The following SMG6 variants were observed in gnomAD, a reference collection of about 807,000 sequenced individuals.
SMG6 encodes telomerase-binding protein EST1A.
Under a neutral mutation model 142.2 loss-of-function variants are expected in SMG6, and 66 were observed. The observed-to-expected ratio is 0.46, with a 90% confidence interval of 0.38 to 0.57. The LOEUF is 0.57. Ranked by LOEUF, SMG6 falls within the 20% of genes least tolerant of loss-of-function variation. The pLI is 0.00. For synonymous variants in SMG6, 779 were observed against 702.4 expected (o/e 1.11, Z -1.72); for missense variants, 1,793 against 1,832.0 (o/e 0.98, Z 0.39).
intron 10 of SMG6, among the ~76,000 whole-genome samples, chr17:2,210,295 T>G (rs2072812106): frequency 6.6e-6 from 1 of 151,524 alleles, no homozygotes; most frequent in Non-Finnish European, 1.5e-5. Context: ...TCTTTTTTTT[T>G]TTTTTTTAAG....
At chr17:2,105,465 CT>C (rs748386053) in intron 13 of SMG6, among the ~76,000 whole-genome samples, 3 of 152,102 alleles carry the variant, frequency 2.0e-5, no homozygotes, top group Non-Finnish European at 2.9e-5. Context: ...ATTGCTTGAA[CT>C]TGGGAGGCGG....
intron 4 of SMG6, among the ~76,000 whole-genome samples, chr17:2,295,168 C>A (rs961872372): frequency 6.6e-6 from 1 of 152,072 alleles, no homozygotes; most frequent in Non-Finnish European, 1.5e-5. Flanking sequence ...TGAGCCACTG[C>A]GCCCAGCCAA....
chr17:2,302,074 A>G (rs1198154165), intron 1 of SMG6, among the ~76,000 whole-genome samples: 1 of 151,800 alleles, frequency 6.6e-6, no homozygotes, highest in Non-Finnish European at 1.5e-5. Flanking sequence ...GCAACATGGC[A>G]ACACCCTGTC....
intron 8 of SMG6, among the ~76,000 whole-genome samples, chr17:2,265,280 G>A (rs749680582): frequency 1.3e-5 from 2 of 152,178 alleles, no homozygotes; most frequent in Non-Finnish European, 2.9e-5. Flanking sequence ...AGCACTTTGG[G>A]AGGCTGACCA....
intron 14 of SMG6, among the ~76,000 whole-genome samples, chr17:2,082,931 T>C (rs1162911249): frequency 6.6e-6 from 1 of 152,216 alleles, no homozygotes; most frequent in Non-Finnish European, 1.5e-5. Context: ...CCATTTTTCA[T>C]GTATTAACTC....
At chr17:2,147,539 C>A (rs1165754339) in intron 13 of SMG6, among the ~76,000 whole-genome samples, 1 of 152,016 alleles carries the variant, frequency 6.6e-6, no homozygotes, top group African/African-American at 2.4e-5. Context: ...GAGTTCAAGT[C>A]CCGCCTGGGC....
intron 10 of SMG6, among the ~76,000 whole-genome samples, chr17:2,193,949 G>T (rs893546390): frequency 6.6e-6 from 1 of 152,176 alleles, no homozygotes; most frequent in African/African-American, 2.4e-5. Context: ...TTCCGCCTCA[G>T]CCTCCCAAGT....
At chr17:2,243,231 T>C (rs1377207362) in intron 9 of SMG6, among the ~76,000 whole-genome samples, 1 of 152,234 alleles carries the variant, frequency 6.6e-6, no homozygotes, top group African/African-American at 2.4e-5. Flanking sequence ...CTATCATTCT[T>C]ACCCAGGTTG....
chr17:2,298,696 C>T lies in SMG6; in HGVS notation c.1847+210G>A, dbSNP rs370968436. Reference sequence around the variant, plus strand: ...TCGTGCCACTGCACTCCAGCCTGGGCGACAGAGCGAGACTCCGTCTTAAAA... The same window carrying T: ...TCGTGCCACTGCACTCCAGCCTGGGTGACAGAGCGAGACTCCGTCTTAAAA... On this transcript the variant is annotated intron_variant, in intron 2 of 18. Transcript: ENST00000263073. Among the ~76,000 whole-genome samples, 6 of 145,906 alleles carry T rather than the reference C, an allele frequency of 4.1e-5. No individual in the cohort carries two copies. The Admixed American group carries it at 4.3e-4, about 10-fold the overall frequency.
chr17:2,285,800 A>G (rs2151383766), intron 6 of SMG6, among the ~76,000 whole-genome samples: 1 of 152,204 alleles, frequency 6.6e-6, no homozygotes, highest in South Asian at 2.1e-4. Flanking sequence ...CAGCCTCCCG[A>G]GTAGCTGGGA....
At chr17:2,178,674 C>T (rs1043518373) in intron 12 of SMG6, among the ~76,000 whole-genome samples, 2 of 152,276 alleles carry the variant, frequency 1.3e-5, no homozygotes, top group Non-Finnish European at 1.5e-5. Context: ...TGTTCGGGGT[C>T]GGCGCCTTAT....
In SMG6 at chr17:2,303,711, CT is replaced by C; in HGVS notation, c.9del (p.Leu5TrpfsTer28). Reference protein sequence around the residue: MAEGLERVRISAS... With the variant: MAXGLERVRISAS... ...GCGGAGATCCGCACACGCTCCAGCC[CT>C]TCCGCCATCTTCGCGGCTGCTGCTA... On this transcript the variant is annotated frameshift_variant, in exon 1 of 19. Transcript: ENST00000263073. LOFTEE classifies it high-confidence loss of function. 6.7e-7 allele frequency: 1 copy of C among 1,492,904 alleles called. No individual in the cohort carries two copies. The highest frequency in any genetic ancestry group is 2.2e-5 in the Admixed American group (1 of 45,124). 92.5% of individuals were successfully genotyped at this position (1,492,904 alleles called of 1,614,324 possible).
Position 2,299,570 on chromosome 17 carries a change from T to C in SMG6, c.1183A>G (p.Lys395Glu), listed in dbSNP as rs200292655. The C allele has an allele frequency of 6.2e-7, 1 of 1,614,188 alleles. No homozygotes were observed. The highest frequency in any genetic ancestry group is 1.1e-5 in the South Asian group (1 of 91,086). Residue 395 changes from lysine (K) to glutamate (E), a missense_variant, in exon 2 of 19, where the codon AAA (lysine) becomes GAA (glutamate). Around this residue, in one of 3 missense-constraint regions of SMG6, gnomAD observed 1,597 missense variants for 1,584.6 expected, o/e 1.01. Coordinates refer to ENST00000263073, the MANE Select transcript of SMG6 (RefSeq NM_017575.5). The surrounding 1 kb of genome is among the most constrained non-coding windows in gnomAD (Gnocchi z 4.3). ...GGKGSEKQES[K>E]NPKQELRGRG... is the part of the protein sequence containing the mutation. ...CCCCGAAGTTCTTGTTTCGGGTTTTTGGACTCCTGCTTCTCAGAGCCTTTG... is the reference window on the plus strand; with the variant it reads ...CCCCGAAGTTCTTGTTTCGGGTTTTCGGACTCCTGCTTCTCAGAGCCTTTG...
At chr17:2,081,444 G>A (rs1248380879) in intron 15 of SMG6, among the ~76,000 whole-genome samples, 3 of 152,284 alleles carry the variant, frequency 2.0e-5, no homozygotes, top group Admixed American at 6.5e-5. Context: ...GCGTTCTGAA[G>A]TAAGAATCCA....
chr17:2,108,818 C>T lies in SMG6; in HGVS notation c.3358-22917G>A, dbSNP rs183479906. On this transcript the variant is annotated intron_variant, in intron 13 of 18. Coordinates refer to ENST00000263073, the MANE Select transcript of SMG6 (RefSeq NM_017575.5). ...AATTAGTCGCGCATGGTGGCGGGCG[C>T]CTGTAATCGCAGCTACTCGGGAGGC... 1.9e-3 allele frequency among the ~76,000 whole-genome samples: 288 copies of T among 151,982 alleles called. 2 individuals carry two copies. The highest frequency in any genetic ancestry group is 5.9e-3 in the African/African-American group (244 of 41,440).
At chr17:2,143,592 T>A (rs547253338) in intron 13 of SMG6, among the ~76,000 whole-genome samples, 8 of 152,306 alleles carry the variant, frequency 5.3e-5, no homozygotes, top group Non-Finnish European at 1.2e-4. Context: ...AAAATGGAGA[T>A]GACGCGATAG....
At chr17:2,294,540 C>T (rs2075105947) in intron 4 of SMG6, among the ~76,000 whole-genome samples, 1 of 152,228 alleles carries the variant, frequency 6.6e-6, no homozygotes, top group Non-Finnish European at 1.5e-5. Flanking sequence ...TTCTCCACTT[C>T]AGGGCCTTTA....
chr17:2,205,724 T>C (rs567456501), intron 10 of SMG6, among the ~76,000 whole-genome samples: 83 of 152,320 alleles, frequency 5.4e-4, no homozygotes, highest in African/African-American at 1.9e-3. Context: ...AATAACTTTT[T>C]AAAGCATGGA....
In SMG6 at chr17:2,249,067, G is replaced by C. The variant is rs1357269133; in HGVS notation, c.2662-4348C>G. On this transcript the variant is annotated intron_variant, in intron 8 of 18. Coordinates refer to ENST00000263073, the MANE Select transcript of SMG6 (RefSeq NM_017575.5). ...ACGCCCCGTTAATTTTTTTTTTTTT[G>C]TATTTTCAGTAGAGATGGGGTTTCA... 2.3e-4 allele frequency among the ~76,000 whole-genome samples: 33 copies of C among 144,302 alleles called. No individual in the cohort carries two copies. In the East Asian group the frequency reaches 5.1e-3, roughly 22 times the overall value. 94.7% of individuals were successfully genotyped at this position (144,302 alleles called of 152,430 possible).
Sources: allele counts gnomAD v4.1 joint callset (sites outside exome capture counted in the v4.1 genomes callset), GRCh38; gene constraint gnomAD v4.1.1; regional missense constraint gnomAD v4.1.1; non-coding constraint Gnocchi (gnomAD v3.1); transcripts MANE v1.5; gene names NCBI Gene and HGNC (gene_info 2026-07-23, HGNC 2026-07-21).